The following TEX11 variants were observed in gnomAD, a reference collection of about 807,000 sequenced individuals.
TEX11 encodes the protein testis-expressed protein 11.
A neutral mutation model predicts 84.4 loss-of-function variants in TEX11; 7 were observed. The observed-to-expected ratio is 0.08, with a 90% CI of 0.05 to 0.16. The LOEUF is 0.16. Ranked by LOEUF, TEX11 falls within the 10% of genes least tolerant of loss-of-function variation. The pLI is 1.00. For missense variants in TEX11, 551 were observed against 660.5 expected (o/e 0.83, Z 1.82); for synonymous variants, 264 against 222.8 (o/e 1.18, Z -1.64).
intron 13 of TEX11, among the ~76,000 whole-genome samples, chrX:70,689,305 T>C (rs930542345): frequency 1.8e-5 from 2 of 111,284 alleles, no homozygotes; most frequent in African/African-American, 6.5e-5. Context: ...CTCAGATTAG[T>C]ATACACACAT....
intron 16 of TEX11, among the ~76,000 whole-genome samples, chrX:70,666,158 T>C (rs1419612340): frequency 9.0e-6 from 1 of 111,435 alleles, no homozygotes; most frequent in Non-Finnish European, 1.9e-5. Flanking sequence ...ATAACTAAAA[T>C]ATAATGAGAA....
rs773347820 is a variant in TEX11, at chrX:70,833,626, A to T, written c.526-33T>A. 6 of 1,090,025 alleles carry T rather than the reference A, an allele frequency of 5.5e-6. No homozygotes were observed. In the Admixed American group the frequency reaches 7.0e-5, roughly 13 times the overall value. 89.8% of individuals were successfully genotyped at this position (1,090,025 alleles called of 1,213,427 possible). On this transcript the variant is annotated intron_variant, in intron 7 of 29. Coordinates refer to ENST00000374333, the MANE Select transcript of TEX11 (RefSeq NM_031276.3). ...AGATAAAGAATGTCAATAATTGGTT[A>T]AAATGACAAGGTTATTTGTCTCTAA... is the stretch of plus-strand genomic sequence containing the variant.
intron 25 of TEX11, among the ~76,000 whole-genome samples, chrX:70,562,395 T>C (rs1386026416): frequency 8.9e-6 from 1 of 111,972 alleles, no homozygotes; most frequent in Admixed American, 9.5e-5. Context: ...GCATATGCCA[T>C]GTAACAGCAA....
At chrX:70,643,841 C>T (rs752063224) in intron 17 of TEX11, among the ~76,000 whole-genome samples, 46 of 110,320 alleles carry the variant, frequency 4.2e-4, no homozygotes, top group African/African-American at 1.5e-3. Context: ...TAGGCATTAC[C>T]ATTCAGGACG....
chrX:70,732,476 C>A (rs748964813), intron 11 of TEX11, among the ~76,000 whole-genome samples: 15 of 111,729 alleles, frequency 1.3e-4, no homozygotes, highest in Non-Finnish European at 2.1e-4. Context: ...AGTCAATGAG[C>A]AAAAATCACA....
In TEX11 at chrX:70,529,080, T is replaced by C; in HGVS notation, c.*15A>G. On this transcript the variant is annotated 3_prime_UTR_variant, in exon 30 of 30. Coordinates refer to ENST00000374333, the MANE Select transcript of TEX11 (RefSeq NM_031276.3). Reference sequence around the variant, plus strand: ...CTCGGGACAATGTATCTTCTTCATGTGGCCATGAGCTTGCCTAATCTGACT... The same window carrying C: ...CTCGGGACAATGTATCTTCTTCATGCGGCCATGAGCTTGCCTAATCTGACT... 3.4e-6 allele frequency: 4 copies of C among 1,185,038 alleles called. No homozygotes were observed. Among genetic ancestry groups the C allele is most frequent in the Non-Finnish European group, 4.6e-6 (4 of 872,971 alleles).
intron 11 of TEX11, among the ~76,000 whole-genome samples, chrX:70,735,683 C>T (rs1262034790): frequency 8.9e-6 from 1 of 112,023 alleles, no homozygotes; most frequent in African/African-American, 3.2e-5. Flanking sequence ...AATTCCCTAC[C>T]AAATTCCCAG....
In TEX11 at chrX:70,725,043, CT is replaced by C. The variant is rs397896072; in HGVS notation, c.925+218del. 8.8e-3 allele frequency among the ~76,000 whole-genome samples: 926 copies of C among 105,523 alleles called. 36 individuals are homozygous for C. The South Asian group carries it at 0.15, about 17-fold the overall frequency. 91.6% of individuals were successfully genotyped at this position (105,523 alleles called of 115,157 possible). A position where few individuals can be genotyped will look rare whatever the true frequency, so the allele number is the denominator to read the frequency against. On this transcript the variant is annotated intron_variant, in intron 12 of 29. Transcript: ENST00000374333. ...AAGAAAACTGATTGCTTTTATTCAGCTTTTTTTAAAAAAAAAAACACCTTTT... is the reference window on the plus strand; with the variant it reads ...AAGAAAACTGATTGCTTTTATTCAGCTTTTTTAAAAAAAAAAACACCTTTT...
At chrX:70,682,905 G>C (rs1434171645) in intron 13 of TEX11, 80 bp from the exon 14 acceptor site, 4 of 968,058 alleles carry the variant, frequency 4.1e-6, no homozygotes, top group Non-Finnish European at 5.7e-6. Context: ...GTATTTCAGT[G>C]TGAGCAAAAT....
At chrX:70,522,493 C>T in the TEX11 span, among the ~76,000 whole-genome samples, 1 of 111,418 alleles carries the variant, frequency 9.0e-6, no homozygotes, top group Admixed American at 9.6e-5. Context: ...TTAAGGAACA[C>T]GTAAAAGGAG....
intron 8 of TEX11, among the ~76,000 whole-genome samples, chrX:70,814,867 A>T (rs1306482989): frequency 8.9e-6 from 1 of 112,878 alleles, no homozygotes; most frequent in African/African-American, 3.2e-5. Context: ...CAAAGCATAC[A>T]AACTACTCAA....
chrX:70,847,183 C>T (rs1332435995), intron 7 of TEX11, among the ~76,000 whole-genome samples: 1 of 111,612 alleles, frequency 9.0e-6, no homozygotes, highest in African/African-American at 3.3e-5. Flanking sequence ...TGATTGGAAG[C>T]TTACTGAAGT....
intron 28 of TEX11, among the ~76,000 whole-genome samples, chrX:70,543,830 A>C (rs1419111816): frequency 4.5e-5 from 5 of 111,878 alleles, no homozygotes; most frequent in Non-Finnish European, 9.4e-5. Context: ...TGAATATCAT[A>C]GAGTGTCCTT....
intron 14 of TEX11, among the ~76,000 whole-genome samples, chrX:70,679,618 T>C (rs1352201912): frequency 9.7e-6 from 1 of 103,280 alleles, no homozygotes; most frequent in Non-Finnish European, 2.0e-5. Context: ...GAGGAGCCCC[T>C]CCGCCCGGCA....
At chrX:70,602,282 C>A (rs1408038117) in intron 24 of TEX11, among the ~76,000 whole-genome samples, 17 of 111,087 alleles carry the variant, frequency 1.5e-4, no homozygotes, top group Non-Finnish European at 2.5e-4. Flanking sequence ...CCTTGATGAA[C>A]ATTGATGCAA....
At chrX:70,718,191 C>A (rs1222297512) in intron 13 of TEX11, among the ~76,000 whole-genome samples, 1 of 112,154 alleles carries the variant, frequency 8.9e-6, no homozygotes. Context: ...CAGTACCACA[C>A]TACAGTGCAG....
intron 11 of TEX11, among the ~76,000 whole-genome samples, chrX:70,733,100 T>C (rs997642946): frequency 9.8e-5 from 11 of 112,067 alleles, no homozygotes; most frequent in African/African-American, 3.2e-4. Context: ...GCTAGCCATA[T>C]GTAGAAAGCT....
intron 14 of TEX11, 96 bp from the exon 15 acceptor site, chrX:70,678,985 C>G: frequency 1.4e-6 from 1 of 691,188 alleles, no homozygotes; most frequent in Non-Finnish European, 2.1e-6. Context: ...GTCTCCCTCT[C>G]CCTCTCTCCA....
At chrX:70,815,199 C>G (rs891341971) in intron 8 of TEX11, among the ~76,000 whole-genome samples, 9 of 112,137 alleles carry the variant, frequency 8.0e-5, no homozygotes, top group Non-Finnish European at 1.5e-4. Context: ...TTACAAGAGT[C>G]TCAAATATCA....
Sources: gnomAD v4.1 joint callset for allele counts (sites outside exome capture counted in the v4.1 genomes callset) on GRCh38, gnomAD v4.1.1 for gene constraint, MANE v1.5 for transcripts, NCBI Gene and HGNC (gene_info 2026-07-23, HGNC 2026-07-21) for gene names.